The following CNKSR2 variants were observed in gnomAD, a reference collection of about 807,000 sequenced individuals.
CNKSR2 encodes the protein CNK homolog protein 2.
In CNKSR2, 14 loss-of-function variants were observed where a neutral mutation model predicts 84.4. The observed-to-expected ratio is 0.17, with a 90% CI of 0.11 to 0.26. The LOEUF is 0.26. CNKSR2 is among the 10% of genes least tolerant of loss of function. CNKSR2 has a pLI of 1.00. For synonymous variants in CNKSR2, 275 were observed against 277.9 expected (o/e 0.99, Z 0.10); for missense variants, 485 against 771.2 (o/e 0.63, Z 4.40).
chrX:21,454,782 T>C (rs1391629853), intron 4 of CNKSR2, among the ~76,000 whole-genome samples: 4 of 112,085 alleles, frequency 3.6e-5, no homozygotes, highest in African/African-American at 1.3e-4. Context: ...GTATAATATT[T>C]TACAATTTAT....
chrX:21,386,107 A>C (rs2089966660), intron 1 of CNKSR2, among the ~76,000 whole-genome samples: 1 of 109,812 alleles, frequency 9.1e-6, no homozygotes, highest in African/African-American at 3.3e-5. Context: ...AGGATTGTTA[A>C]TATGTGGTGC....
intron 4 of CNKSR2, among the ~76,000 whole-genome samples, chrX:21,451,303 A>G (rs2090925090): frequency 1.8e-5 from 2 of 111,493 alleles, no homozygotes; most frequent in Admixed American, 9.5e-5. Context: ...AACATAAAAT[A>G]TCTAGAACTA....
intron 20 of CNKSR2, chrX:21,642,204 T>A: frequency 8.0e-6 from 6 of 746,844 alleles, no homozygotes; most frequent in Non-Finnish European, 9.5e-6. Context: ...TATTATAAAG[T>A]GTATTCAGGT....
chrX:21,556,189 T>A (rs974117084), intron 11 of CNKSR2, among the ~76,000 whole-genome samples: 8 of 110,634 alleles, frequency 7.2e-5, no homozygotes, highest in African/African-American at 2.0e-4. Context: ...CTGAGGAAAG[T>A]CCCCTATTTA....
chrX:21,418,481 C>A (rs2090452594), intron 1 of CNKSR2, among the ~76,000 whole-genome samples: 1 of 111,685 alleles, frequency 9.0e-6, no homozygotes, highest in African/African-American at 3.3e-5. Flanking sequence ...GGACAGGTCT[C>A]ATGTTGAGGA....
intron 11 of CNKSR2, among the ~76,000 whole-genome samples, chrX:21,540,463 C>T (rs1486467730): frequency 9.0e-6 from 1 of 111,053 alleles, no homozygotes; most frequent in African/African-American, 3.3e-5. Flanking sequence ...CTCCCAAGTG[C>T]GACAATATTA....
intron 20 of CNKSR2, chrX:21,644,851 G>C (rs188571948): frequency 3.6e-5 from 4 of 111,923 alleles, no homozygotes; most frequent in Non-Finnish European, 5.6e-5. Context: ...ATAAGTTTCT[G>C]TTCGATAAAA....
chrX:21,393,758 A>G (rs1411556415), intron 1 of CNKSR2, among the ~76,000 whole-genome samples: 1 of 112,495 alleles, frequency 8.9e-6, no homozygotes, highest in Non-Finnish European at 1.9e-5. Flanking sequence ...AAAAGTAATC[A>G]TTGTATAGTA....
At chrX:21,437,984 T>A (rs2090731791) in intron 3 of CNKSR2, among the ~76,000 whole-genome samples, 1 of 111,821 alleles carries the variant, frequency 8.9e-6, no homozygotes, top group African/African-American at 3.3e-5. Context: ...TTCTTATGTC[T>A]CCTTTTATTT....
At chrX:21,511,157 C>T (rs1189025657) in intron 8 of CNKSR2, among the ~76,000 whole-genome samples, 1 of 111,089 alleles carries the variant, frequency 9.0e-6, no homozygotes, top group Non-Finnish European at 1.9e-5. Context: ...TGTTCTTTTC[C>T]TTGTTTTAAT....
intron 20 of CNKSR2, among the ~76,000 whole-genome samples, chrX:21,646,356 A>G (rs2092706903): frequency 8.9e-6 from 1 of 111,791 alleles, no homozygotes; most frequent in Non-Finnish European, 1.9e-5. Flanking sequence ...CGTAAGAGCA[A>G]GAAGGGGGAG....
intron 11 of CNKSR2, among the ~76,000 whole-genome samples, chrX:21,551,178 A>G (rs189434544): frequency 4.7e-4 from 52 of 110,869 alleles, no homozygotes; most frequent in African/African-American, 1.5e-3. Context: ...AAACACATGG[A>G]CACAGGGAGG....
chrX:21,575,202 C>T (rs1479873977), intron 13 of CNKSR2, among the ~76,000 whole-genome samples: 1 of 111,686 alleles, frequency 9.0e-6, no homozygotes, highest in Non-Finnish European at 1.9e-5. Context: ...ATTGGCTTTA[C>T]TTGGTTATAA....
intron 5 of CNKSR2, among the ~76,000 whole-genome samples, chrX:21,483,630 C>T (rs1170970644): frequency 9.6e-6 from 1 of 104,505 alleles, no homozygotes; most frequent in Non-Finnish European, 2.0e-5. Context: ...GAAATTCTTC[C>T]TGAGTTGGAG....
rs1007725889 is a variant in CNKSR2 at position 21,652,840 on chromosome X, C to T, written c.*319C>T. The T allele has an allele frequency of 4.8e-5, 8 of 166,988 alleles. No individual in the cohort carries two copies. The highest frequency in any genetic ancestry group is 2.4e-4 in the African/African-American group (8 of 33,129). 13.8% of individuals were successfully genotyped at this position (166,988 alleles called of 1,213,427 possible). On this transcript the variant is annotated 3_prime_UTR_variant, in exon 22 of 22. Transcript: ENST00000379510. ...CAAAAGGCAGTTTTCTATCTATGGT[C>T]ATCTTTTCTCCCTTTAAGTTAATTT...
At chrX:21,483,130 G>A (rs919840762) in intron 5 of CNKSR2, among the ~76,000 whole-genome samples, 5 of 111,111 alleles carry the variant, frequency 4.5e-5, no homozygotes, top group East Asian at 2.8e-4. Flanking sequence ...TGTTTATTAC[G>A]GCATTACTCA....
chrX:21,641,363 G>A (rs149092557), intron 20 of CNKSR2, among the ~76,000 whole-genome samples: 11 of 111,850 alleles, frequency 9.8e-5, no homozygotes, highest in African/African-American at 3.6e-4. Context: ...AGACTTGCAT[G>A]CCAACAGAAA....
At chrX:21,414,412 T>C (rs771615408) in intron 1 of CNKSR2, among the ~76,000 whole-genome samples, 2 of 107,281 alleles carry the variant, frequency 1.9e-5, no homozygotes, top group East Asian at 5.9e-4. Context: ...TTTAACCAGA[T>C]TATTAGATTT....
rs2092712624 is a variant in CNKSR2, at chrX:21,648,768, CTT to C, written c.2693-61_2693-60del. On this transcript the variant is annotated intron_variant, in intron 20 of 21. Transcript: ENST00000379510. The stretch of plus-strand genomic sequence containing the variant: ...ACTATATTGCAATGAATTCATTTCT[CTT>C]TCTCTCTCTCTCTCTCTCTCTTTCT... The C allele has an allele frequency of 8.6e-5, 76 of 880,213 alleles. No homozygotes were observed. The South Asian group carries it at 2.2e-3, about 26-fold the overall frequency. The allele number at this position is 880,213 out of a possible 1,213,427, so 72.5% of individuals were successfully genotyped here.
Sources: allele counts gnomAD v4.1 joint callset (sites outside exome capture counted in the v4.1 genomes callset), GRCh38; gene constraint gnomAD v4.1.1; transcripts MANE v1.5; gene names NCBI Gene and HGNC (gene_info 2026-07-23, HGNC 2026-07-21).